Variants in DYM observed in about 807,000 individuals in gnomAD.
DYM encodes the protein dyggve-Melchior-Clausen syndrome protein.
In DYM, 78 loss-of-function variants were observed where a neutral mutation model predicts 93.1. The ratio of observed to expected loss-of-function variants is 0.84; its 90% CI spans 0.70 to 1.01. DYM has a LOEUF of 1.01. DYM is among the 50% of genes least tolerant of loss of function. The pLI is 0.00. For synonymous variants in DYM, 321 were observed against 319.7 expected (o/e 1.00, Z -0.04); for missense variants, 789 against 845.0 (o/e 0.93, Z 0.82).
intron 3 of DYM, 40 bp from the exon 4 acceptor site, chr18:49,379,798 A>T (rs780413067): frequency 2.0e-6 from 3 of 1,483,148 alleles, no homozygotes; most frequent in Non-Finnish European, 2.8e-6. Flanking sequence ...TAAATTTAAG[A>T]ACTAAAATCA....
chr18:49,345,797 AG>A (rs1180860861), intron 6 of DYM, among the ~76,000 whole-genome samples: 1 of 152,246 alleles, frequency 6.6e-6, no homozygotes, highest in Non-Finnish European at 1.5e-5. Flanking sequence ...GTAAGTCAAC[AG>A]GCAAACTGAA....
intron 17 of DYM, among the ~76,000 whole-genome samples, chr18:49,055,532 GCTGT>G: frequency 6.6e-6 from 1 of 152,314 alleles, no homozygotes; most frequent in East Asian, 1.9e-4. Context: ...GGAGAATTCT[GCTGT>G]CTGTCTTCAA....
chr18:49,214,814 T>G (rs181476895), intron 13 of DYM, among the ~76,000 whole-genome samples: 1 of 152,298 alleles, frequency 6.6e-6, no homozygotes, highest in Admixed American at 6.5e-5. Flanking sequence ...CTAATAAACT[T>G]GTAATGGGGC....
intron 15 of DYM, among the ~76,000 whole-genome samples, chr18:49,119,231 T>C (rs1048762894): frequency 3.9e-5 from 6 of 152,212 alleles, no homozygotes; most frequent in African/African-American, 1.2e-4. Context: ...TAGATCCATA[T>C]TGGTATTCTC....
At chr18:49,377,593 T>C (rs997771021) in intron 5 of DYM, among the ~76,000 whole-genome samples, 1 of 151,988 alleles carries the variant, frequency 6.6e-6, no homozygotes, top group Non-Finnish European at 1.5e-5. Context: ...AAATAAAAAT[T>C]CTATAATAGA....
chr18:49,123,386 C>T (rs996469969), intron 15 of DYM, among the ~76,000 whole-genome samples: 4 of 152,148 alleles, frequency 2.6e-5, no homozygotes, highest in Non-Finnish European at 5.9e-5. Context: ...ATACCAGTAT[C>T]AGTTTGTTTC....
chr18:49,437,293 T>C (rs1568443933), intron 1 of DYM, among the ~76,000 whole-genome samples: 1 of 152,194 alleles, frequency 6.6e-6, no homozygotes, highest in Non-Finnish European at 1.5e-5. Context: ...CATATTCCTC[T>C]CTACTCTGCT....
intron 5 of DYM, among the ~76,000 whole-genome samples, chr18:49,377,783 T>C (rs2067653354): frequency 1.3e-5 from 2 of 152,102 alleles, no homozygotes; most frequent in Admixed American, 1.3e-4. Flanking sequence ...TACTCCTAGG[T>C]ATATGAAAGT....
intron 14 of DYM, among the ~76,000 whole-genome samples, chr18:49,173,625 C>G (rs1468165296): frequency 4.6e-5 from 7 of 152,034 alleles, no homozygotes; most frequent in Non-Finnish European, 8.8e-5. Context: ...TATATGCTGA[C>G]AATAACAAAT....
At chr18:49,357,779 A>T (rs1468251245) in intron 6 of DYM, among the ~76,000 whole-genome samples, 1 of 152,190 alleles carries the variant, frequency 6.6e-6, no homozygotes, top group African/African-American at 2.4e-5. Flanking sequence ...GTTTTCATGG[A>T]GGTTTCATTC....
Position 49,292,348 on chromosome 18 carries a change from A to G in DYM, c.764-5732T>C, listed in dbSNP as rs1260958765. On this transcript the variant is annotated intron_variant, in intron 8 of 17. Transcript: ENST00000675505. ...GGCAGGCAGGCAGGCAGACAGACAG[A>G]CAGACAGACACACACACACACACAC... Among the ~76,000 whole-genome samples the G allele has an allele frequency of 3.6e-3, 251 of 69,656 alleles. 2 individuals carry two copies. The highest frequency in any genetic ancestry group is 0.035 in the East Asian group (125 of 3,536). 45.7% of individuals were successfully genotyped at this position (69,656 alleles called of 152,430 possible).
chr18:49,317,846 T>C (rs1466699392), intron 8 of DYM, among the ~76,000 whole-genome samples: 1 of 151,764 alleles, frequency 6.6e-6, no homozygotes, highest in African/African-American at 2.4e-5. Flanking sequence ...TTAACAAATA[T>C]TTAGTATCTT....
At chr18:49,174,446 G>C (rs1160237820) in intron 14 of DYM, among the ~76,000 whole-genome samples, 2 of 152,080 alleles carry the variant, frequency 1.3e-5, no homozygotes, top group African/African-American at 4.8e-5. Context: ...TCACAGCCTG[G>C]TAATCCGAGT....
chr18:49,283,564 C>T (rs898333956), intron 9 of DYM, among the ~76,000 whole-genome samples: 1 of 151,884 alleles, frequency 6.6e-6, no homozygotes, highest in Non-Finnish European at 1.5e-5. Context: ...ACTGAAGCAA[C>T]CAAGGTTAGG....
At chr18:49,341,887 C>T (rs1244942627) in intron 6 of DYM, among the ~76,000 whole-genome samples, 1 of 152,168 alleles carries the variant, frequency 6.6e-6, no homozygotes, top group Non-Finnish European at 1.5e-5. Flanking sequence ...AAGGTGTCTG[C>T]TTTGAGAAGC....
intron 10 of DYM, among the ~76,000 whole-genome samples, chr18:49,275,482 A>G (rs1317208084): frequency 6.6e-6 from 1 of 152,148 alleles, no homozygotes; most frequent in Non-Finnish European, 1.5e-5. Flanking sequence ...TTTTTTAATC[A>G]TCTTGTCAAT....
chr18:49,329,425 G>T (rs2063155518), intron 8 of DYM: 1 of 152,044 alleles, frequency 6.6e-6, no homozygotes, highest in South Asian at 2.1e-4. Context: ...CCTAGAAAAA[G>T]TATAATTTAA....
At chr18:49,335,250 T>C (rs935208263) in intron 6 of DYM, among the ~76,000 whole-genome samples, 10 of 152,210 alleles carry the variant, frequency 6.6e-5, no homozygotes, top group African/African-American at 1.7e-4. Context: ...TTTTAAAGTA[T>C]TGTAGAACAA....
At chr18:49,247,948 C>T (rs191223876) in intron 13 of DYM, among the ~76,000 whole-genome samples, 2 of 152,310 alleles carry the variant, frequency 1.3e-5, no homozygotes, top group Admixed American at 6.5e-5. Context: ...GTAGGAAATA[C>T]AGGAAGCCAG....
Sources: allele counts gnomAD v4.1 joint callset (sites outside exome capture counted in the v4.1 genomes callset), GRCh38; gene constraint gnomAD v4.1.1; transcripts MANE v1.5; gene names NCBI Gene and HGNC (gene_info 2026-07-23, HGNC 2026-07-21).